The following NFIX variants were observed in gnomAD, a reference collection of about 807,000 sequenced individuals.
NFIX encodes nuclear factor I X.
NFIX carries 2 observed loss-of-function variants against 53.3 expected under a neutral mutation model. The observed-to-expected ratio is 0.04, with a 90% CI of 0.02 to 0.12. The LOEUF is 0.12. Ranked by LOEUF, NFIX falls within the 10% of genes least tolerant of loss-of-function variation. NFIX has a pLI of 1.00. For synonymous variants in NFIX, 244 were observed against 289.0 expected (o/e 0.84, Z 1.58); for missense variants, 310 against 674.5 (o/e 0.46, Z 5.99).
rs1444204408 is a variant in NFIX, at chr19:13,094,768, T to G, written c.*119T>G. 2.9e-5 allele frequency: 32 copies of G among 1,111,384 alleles called. No homozygotes were observed. Among genetic ancestry groups the G allele is most frequent in the Non-Finnish European group, 4.0e-5 (31 of 773,022 alleles). 68.8% of individuals were successfully genotyped at this position (1,111,384 alleles called of 1,614,324 possible). On this transcript the variant is annotated 3_prime_UTR_variant, in exon 11 of 11. Coordinates refer to ENST00000592199, the MANE Select transcript of NFIX (RefSeq NM_001365902.3). This position sits in a 1 kb window ranked among gnomAD's most constrained non-coding sequence, Gnocchi z 4.3. ...CCCAGCCCCACCGAAAAGCAAAAATTACACGTCGTCAGCCACTCAGCCCTT... is the reference window on the plus strand; with the variant it reads ...CCCAGCCCCACCGAAAAGCAAAAATGACACGTCGTCAGCCACTCAGCCCTT...
rs1282339872 is a variant in NFIX, at chr19:13,025,972, G to T, written c.559+420G>T. Among the ~76,000 whole-genome samples the T allele has an allele frequency of 6.6e-6, 1 of 152,170 alleles. No individual in the cohort carries two copies. The highest frequency in any genetic ancestry group is 2.4e-5 in the African/African-American group (1 of 41,432). ...TTGAGGGGCAGGTGCTAGTTTTACT[G>T]CAGCTTCACCTCCAGTCCCAGGAAA... On this transcript the variant is annotated intron_variant, in intron 2 of 10. Coordinates refer to ENST00000592199, the MANE Select transcript of NFIX (RefSeq NM_001365902.3). This position sits in a 1 kb window ranked among gnomAD's most constrained non-coding sequence, Gnocchi z 7.5.
Position 13,014,648 on chromosome 19 carries a change from C to T in NFIX, c.28-10373C>T, listed in dbSNP as rs1447824520. ...AAGAGAAAATGCAGTCTTGGAGAGC[C>T]CGTCTTGGCAACCCTGTGCCCTTGA... is the stretch of plus-strand genomic sequence containing the variant. On this transcript the variant is annotated intron_variant, in intron 1 of 10. Transcript: ENST00000592199. The surrounding 1 kb of genome is among the most constrained non-coding windows in gnomAD (Gnocchi z 4.4). 6.6e-6 allele frequency: 1 copy of T among 152,286 alleles called. No homozygotes were observed. Among genetic ancestry groups the T allele is most frequent in the Non-Finnish European group, 1.5e-5 (1 of 68,066 alleles). 9.4% of individuals were successfully genotyped at this position (152,286 alleles called of 1,614,324 possible). A position where few individuals can be genotyped will look rare whatever the true frequency, so the allele number is the denominator to read the frequency against.
intron 1 of NFIX, among the ~76,000 whole-genome samples, chr19:13,023,216 A>C (rs2013052215): frequency 1.3e-5 from 2 of 150,110 alleles, no homozygotes; most frequent in South Asian, 2.1e-4. Flanking sequence ...AAAAAAAAAA[A>C]CACCCCAAAA....
At position 13,094,837 on chromosome 19, in the gene NFIX, C is replaced by G. The variant is rs1039858336; in HGVS notation, c.*188C>G. On this transcript the variant is annotated 3_prime_UTR_variant, in exon 11 of 11. Coordinates refer to ENST00000592199, the MANE Select transcript of NFIX (RefSeq NM_001365902.3). This position sits in a 1 kb window ranked among gnomAD's most constrained non-coding sequence, Gnocchi z 4.3. ...ACCCCCGCGGGCCCCAGAAGCAGCC[C>G]AGTTCTCAGAGAGCCCTTGGAAGGG... 1 of 609,306 alleles carries G rather than the reference C, an allele frequency of 1.6e-6. No homozygotes were observed. The highest frequency in any genetic ancestry group is 1.9e-5 in the African/African-American group (1 of 53,744). The allele number at this position is 609,306 out of a possible 1,614,324, so 37.7% of individuals were successfully genotyped here. A position where few individuals can be genotyped will look rare whatever the true frequency, so the allele number is the denominator to read the frequency against.
chr19:13,023,068 CTT>C (rs1491147650), intron 1 of NFIX, among the ~76,000 whole-genome samples: 2 of 109,878 alleles, frequency 1.8e-5, no homozygotes, highest in East Asian at 3.6e-4. Flanking sequence ...CCTTCTCTCT[CTT>C]TCTCTCTCTC....
At chr19:13,023,067 T>TC (rs1461758052) in intron 1 of NFIX, among the ~76,000 whole-genome samples, 2 of 113,438 alleles carry the variant, frequency 1.8e-5, no homozygotes, top group African/African-American at 6.0e-5. Flanking sequence ...TCCTTCTCTC[T>TC]CTTTCTCTCT....
rs1000469489 is a variant in NFIX at position 13,025,975 on chromosome 19, G to A, written c.559+423G>A. Among the ~76,000 whole-genome samples the A allele has an allele frequency of 1.2e-4, 18 of 152,182 alleles. No individual in the cohort carries two copies. The highest frequency in any genetic ancestry group is 3.2e-3 in the Middle Eastern group (1 of 316). On this transcript the variant is annotated intron_variant, in intron 2 of 10. Transcript: ENST00000592199. The surrounding 1 kb of genome is among the most constrained non-coding windows in gnomAD (Gnocchi z 7.5). ...AGGGGCAGGTGCTAGTTTTACTGCA[G>A]CTTCACCTCCAGTCCCAGGAAAAAC...
At chr19:13,032,140 G>C (rs1354347326) in intron 2 of NFIX, among the ~76,000 whole-genome samples, 1 of 152,186 alleles carries the variant, frequency 6.6e-6, no homozygotes, top group Non-Finnish European at 1.5e-5. Context: ...GGGGGAGGGG[G>C]GCAGGAGAGA....
In NFIX at chr19:13,094,807, C is replaced by T. The variant is rs1311391582; in HGVS notation, c.*158C>T. The stretch of plus-strand genomic sequence containing the variant: ...CACTCAGCCCTTCTCTCCTCCAGCC[C>T]GGGGACCCCCGCGGGCCCCAGAAGC... On this transcript the variant is annotated 3_prime_UTR_variant, in exon 11 of 11. Coordinates refer to ENST00000592199, the MANE Select transcript of NFIX (RefSeq NM_001365902.3). The surrounding 1 kb of genome is among the most constrained non-coding windows in gnomAD (Gnocchi z 4.3). 3.0e-5 allele frequency: 22 copies of T among 744,912 alleles called. No individual in the cohort carries two copies. Among genetic ancestry groups the T allele is most frequent in the Non-Finnish European group, 4.3e-5 (20 of 463,502 alleles). 46.1% of individuals were successfully genotyped at this position (744,912 alleles called of 1,614,324 possible).
chr19:13,062,233 A>C (rs1242910577), intron 2 of NFIX, among the ~76,000 whole-genome samples: 2 of 152,206 alleles, frequency 1.3e-5, no homozygotes, highest in Non-Finnish European at 2.9e-5. Flanking sequence ...GTCTGGAACC[A>C]GCTCGGCTTT....
rs767249761 is a variant in NFIX at position 13,072,404 on chromosome 19, G to A, written c.560-643G>A. Among the ~76,000 whole-genome samples, 10 of 152,262 alleles carry A rather than the reference G, an allele frequency of 6.6e-5. No individual in the cohort carries two copies. Among genetic ancestry groups the A allele is most frequent in the African/African-American group, 1.4e-4 (6 of 41,464 alleles). On this transcript the variant is annotated intron_variant, in intron 2 of 10. Transcript: ENST00000592199. This position sits in a 1 kb window ranked among gnomAD's most constrained non-coding sequence, Gnocchi z 4.0. ...AGGCTGGCACAGAGCGGGCGACAGC[G>A]TCAGGGCAGACCTCCCCCCTCTGGG...
chr19:12,996,804 G>C lies in NFIX; in HGVS notation c.27+940G>C, dbSNP rs2011485614. Among the ~76,000 whole-genome samples, 1 of 152,278 alleles carries C rather than the reference G, an allele frequency of 6.6e-6. No individual in the cohort carries two copies. Among genetic ancestry groups the C allele is most frequent in the Non-Finnish European group, 1.5e-5 (1 of 68,046 alleles). The stretch of plus-strand genomic sequence containing the variant: ...GCGCCGACCTTGGCGCGTTGCTAGA[G>C]CGCGTCCCGCCTGCAGCGAAGTTCC... On this transcript the variant is annotated intron_variant, in intron 1 of 10. Coordinates refer to ENST00000592199, the MANE Select transcript of NFIX (RefSeq NM_001365902.3). This position sits in a 1 kb window ranked among gnomAD's most constrained non-coding sequence, Gnocchi z 5.2.
At position 13,060,503 on chromosome 19, in the gene NFIX, C is replaced by T. The variant is rs986895787; in HGVS notation, c.560-12544C>T. ...CGCCTGCTGTGTGCAGAATCTACCC[C>T]GAAACCTATAGCTTAGGAGAAGCCT... On this transcript the variant is annotated intron_variant, in intron 2 of 10. Coordinates refer to ENST00000592199, the MANE Select transcript of NFIX (RefSeq NM_001365902.3). The surrounding 1 kb of genome is among the most constrained non-coding windows in gnomAD (Gnocchi z 4.3). Among the ~76,000 whole-genome samples, 1 of 152,224 alleles carries T rather than the reference C, an allele frequency of 6.6e-6. No individual in the cohort carries two copies. The highest frequency in any genetic ancestry group is 1.5e-5 in the Non-Finnish European group (1 of 68,038).
chr19:13,022,801 C>A lies in NFIX; in HGVS notation c.28-2220C>A, dbSNP rs1469039723. ...ATTTCGAGTCTTCCACAATCCCAGT[C>A]CCCCCCAATGCCCCACCCCACCCCC... On this transcript the variant is annotated intron_variant, in intron 1 of 10. Coordinates refer to ENST00000592199, the MANE Select transcript of NFIX (RefSeq NM_001365902.3). The surrounding 1 kb of genome is among the most constrained non-coding windows in gnomAD (Gnocchi z 4.5). 2.6e-5 allele frequency among the ~76,000 whole-genome samples: 4 copies of A among 151,782 alleles called. No homozygotes were observed. The highest frequency in any genetic ancestry group is 5.9e-5 in the Non-Finnish European group (4 of 67,960).
rs1423902645 is a variant in NFIX at position 13,028,074 on chromosome 19, A to C, written c.559+2522A>C. Among the ~76,000 whole-genome samples the C allele has an allele frequency of 6.6e-6, 1 of 152,196 alleles. No individual in the cohort carries two copies. Among genetic ancestry groups the C allele is most frequent in the African/African-American group, 2.4e-5 (1 of 41,432 alleles). The stretch of plus-strand genomic sequence containing the variant: ...GGGTGGTCTTGAGATGGCACAGACC[A>C]GGCATGGCTTGCTTCCTCCTTGAGC... On this transcript the variant is annotated intron_variant, in intron 2 of 10. Transcript: ENST00000592199. The surrounding 1 kb of genome is among the most constrained non-coding windows in gnomAD (Gnocchi z 4.2).
intron 2 of NFIX, among the ~76,000 whole-genome samples, chr19:13,029,115 A>C (rs1247590670): frequency 6.6e-6 from 1 of 151,976 alleles, no homozygotes; most frequent in Non-Finnish European, 1.5e-5. Flanking sequence ...CATAGAAAGA[A>C]CTCCTGTGTA....
chr19:13,046,782 G>A (rs1425856991), intron 2 of NFIX, among the ~76,000 whole-genome samples: 1 of 152,216 alleles, frequency 6.6e-6, no homozygotes, highest in African/African-American at 2.4e-5. Flanking sequence ...CAGAGAGAAA[G>A]GGAAGGGAAG....
At chr19:13,024,575 C>A in intron 1 of NFIX, 1 of 1,535,590 alleles carries the variant, frequency 6.5e-7, no homozygotes, top group Non-Finnish European at 8.7e-7. Context: ...CCACGGGCGT[C>A]TGTGCAGACG....
At position 13,094,854 on chromosome 19, in the gene NFIX, T is replaced by C; in HGVS notation, c.*205T>C. 1 of 571,334 alleles carries C rather than the reference T, an allele frequency of 1.8e-6. No homozygotes were observed. Among genetic ancestry groups the C allele is most frequent in the Non-Finnish European group, 3.1e-6 (1 of 320,608 alleles). The allele number at this position is 571,334 out of a possible 1,614,324, so 35.4% of individuals were successfully genotyped here. The stretch of plus-strand genomic sequence containing the variant: ...AAGCAGCCCAGTTCTCAGAGAGCCC[T>C]TGGAAGGGGTCTCGGTGGAGCTGTG... On this transcript the variant is annotated 3_prime_UTR_variant, in exon 11 of 11. Coordinates refer to ENST00000592199, the MANE Select transcript of NFIX (RefSeq NM_001365902.3). This position sits in a 1 kb window ranked among gnomAD's most constrained non-coding sequence, Gnocchi z 4.3.
Sources: gnomAD v4.1 joint callset for allele counts (sites outside exome capture counted in the v4.1 genomes callset) on GRCh38, gnomAD v4.1.1 for gene constraint, Gnocchi (gnomAD v3.1) non-coding constraint, MANE v1.5 for transcripts, NCBI Gene and HGNC (gene_info 2026-07-23, HGNC 2026-07-21) for gene names.